Variants in RAB2A observed in about 807,000 individuals in gnomAD.
The protein encoded by RAB2A is ras-related protein Rab-2A.
RAB2A carries 7 observed loss-of-function variants against 32.5 expected under a neutral mutation model. That is an observed-to-expected ratio of 0.22 (90% CI 0.12 to 0.40). RAB2A has a LOEUF of 0.40. RAB2A is among the 10% of genes least tolerant of loss of function. The pLI, the probability that RAB2A is intolerant of heterozygous loss-of-function variation, is 1.00. For missense variants in RAB2A, 108 were observed against 260.7 expected (o/e 0.41, Z 4.03); for synonymous variants, 79 against 85.2 (o/e 0.93, Z 0.40).
chr8:60,573,032 A>G (rs1586090513), intron 3 of RAB2A, among the ~76,000 whole-genome samples: 1 of 151,770 alleles, frequency 6.6e-6, no homozygotes, highest in Non-Finnish European at 1.5e-5. Context: ...ACTGAGCCTT[A>G]CGTATGTTGT....
Position 60,517,075 on chromosome 8 carries a change from C to G in RAB2A, c.-133C>G, listed in dbSNP as rs1444481027. 1 of 898,940 alleles carries G rather than the reference C, an allele frequency of 1.1e-6. No individual in the cohort carries two copies. Among genetic ancestry groups the G allele is most frequent in the African/African-American group, 1.8e-5 (1 of 56,184 alleles). 55.7% of individuals were successfully genotyped at this position (898,940 alleles called of 1,614,324 possible). On this transcript the variant is annotated 5_prime_UTR_variant, in exon 1 of 8. Coordinates refer to ENST00000262646, the MANE Select transcript of RAB2A (RefSeq NM_002865.3). ...CTTCCTCACAGCCCCTCACTCCCGG[C>G]GGCTGACAGCAGCAGCGGCGGCGGC...
chr8:60,538,388 C>A (rs1807588994), intron 1 of RAB2A, among the ~76,000 whole-genome samples: 1 of 152,150 alleles, frequency 6.6e-6, no homozygotes, highest in Non-Finnish European at 1.5e-5. Flanking sequence ...ATAAACTACA[C>A]AGGAATTTGA....
chr8:60,597,505 A>G (rs2130857693), intron 6 of RAB2A, among the ~76,000 whole-genome samples: 1 of 152,282 alleles, frequency 6.6e-6, no homozygotes, highest in South Asian at 2.1e-4. Context: ...TGATGGATTG[A>G]TGGGTGCAGC....
intron 6 of RAB2A, 127 bp downstream of exon 6, chr8:60,592,096 C>A (rs1269456920): frequency 5.8e-6 from 3 of 520,438 alleles, no homozygotes; most frequent in Non-Finnish European, 1.0e-5. Context: ...AGGAAAGTTT[C>A]TTCCCTTTGA....
At chr8:60,616,707 C>T (rs1367654255) in intron 6 of RAB2A, among the ~76,000 whole-genome samples, 1 of 152,216 alleles carries the variant, frequency 6.6e-6, no homozygotes, top group Non-Finnish European at 1.5e-5. Flanking sequence ...TGCAAATTCT[C>T]ATGACCCTCT....
chr8:60,577,684 C>T (rs1218531113), intron 3 of RAB2A, among the ~76,000 whole-genome samples: 3 of 151,162 alleles, frequency 2.0e-5, no homozygotes, highest in South Asian at 2.1e-4. Context: ...AGTGCAGTGG[C>T]GTGATCTCGG....
At chr8:60,613,366 A>G (rs777937864) in intron 6 of RAB2A, among the ~76,000 whole-genome samples, 1 of 152,200 alleles carries the variant, frequency 6.6e-6, no homozygotes, top group Non-Finnish European at 1.5e-5. Context: ...CACGGTTTTC[A>G]GTGCTTTACA....
chr8:60,614,091 A>G (rs914152476), intron 6 of RAB2A, among the ~76,000 whole-genome samples: 1 of 151,978 alleles, frequency 6.6e-6, no homozygotes, highest in East Asian at 1.9e-4. Context: ...TTTATTTTCA[A>G]TATTTTGCCT....
intron 5 of RAB2A, among the ~76,000 whole-genome samples, chr8:60,585,645 C>T (rs575383740): frequency 4.6e-5 from 7 of 152,250 alleles, no homozygotes; most frequent in Middle Eastern, 3.4e-3. Flanking sequence ...TAATAAAATA[C>T]TCTGAAGAGA....
At chr8:60,557,747 T>C (rs1427458453) in intron 1 of RAB2A, among the ~76,000 whole-genome samples, 1 of 151,938 alleles carries the variant, frequency 6.6e-6, no homozygotes, top group Non-Finnish European at 1.5e-5. Flanking sequence ...TTTTGTCTTT[T>C]TTTGTTTTAA....
intron 1 of RAB2A, among the ~76,000 whole-genome samples, chr8:60,539,897 G>A (rs1586069246): frequency 6.6e-6 from 1 of 151,830 alleles, no homozygotes; most frequent in Admixed American, 6.6e-5. Context: ...TGATATGAAC[G>A]GTCCAGTTTA....
intron 6 of RAB2A, among the ~76,000 whole-genome samples, chr8:60,613,750 A>G (rs1804400960): frequency 6.6e-6 from 1 of 152,244 alleles, no homozygotes; most frequent in Non-Finnish European, 1.5e-5. Flanking sequence ...TCTTTTAAGA[A>G]ATAGTGAAAA....
At chr8:60,599,063 A>C (rs1268190005) in intron 6 of RAB2A, among the ~76,000 whole-genome samples, 1 of 152,100 alleles carries the variant, frequency 6.6e-6, no homozygotes, top group Non-Finnish European at 1.5e-5. Flanking sequence ...TTTGCAACAA[A>C]AAAAAGTGAG....
chr8:60,542,913 T>C (rs1050671151), intron 1 of RAB2A, among the ~76,000 whole-genome samples: 17 of 152,232 alleles, frequency 1.1e-4, no homozygotes, highest in Non-Finnish European at 1.9e-4. Context: ...GCCTGGAATA[T>C]AGTAGGCATG....
intron 5 of RAB2A, among the ~76,000 whole-genome samples, chr8:60,590,071 C>T (rs1345604011): frequency 1.1e-4 from 16 of 152,006 alleles, no homozygotes. Flanking sequence ...AAGCAATTCT[C>T]CCGCCTCAGT....
At chr8:60,553,702 C>T (rs1482023925) in intron 1 of RAB2A, among the ~76,000 whole-genome samples, 2 of 152,118 alleles carry the variant, frequency 1.3e-5, no homozygotes, top group Non-Finnish European at 2.9e-5. Flanking sequence ...CCCTGTGTTA[C>T]AGCTAATAAG....
At chr8:60,555,176 C>T (rs747394927) in intron 1 of RAB2A, among the ~76,000 whole-genome samples, 2 of 152,156 alleles carry the variant, frequency 1.3e-5, no homozygotes, top group South Asian at 4.1e-4. Context: ...ATAAATTAGA[C>T]CTCTGTCTCT....
intron 2 of RAB2A, among the ~76,000 whole-genome samples, chr8:60,567,099 T>C (rs560890198): frequency 6.6e-6 from 1 of 152,016 alleles, no homozygotes. Context: ...AAAATATGTT[T>C]TGTTCATCTT....
Position 60,621,044 on chromosome 8 carries a change from C to G in RAB2A, c.*275C>G. ...GTTGTCTTGTGCCCTTAACTACGAACTGAATTGTATTAAACACTACAAAGT... is the reference window on the plus strand; with the variant it reads ...GTTGTCTTGTGCCCTTAACTACGAAGTGAATTGTATTAAACACTACAAAGT... On this transcript the variant is annotated 3_prime_UTR_variant, in exon 8 of 8. Transcript: ENST00000262646. 2.9e-6 allele frequency: 1 copy of G among 342,652 alleles called. No individual in the cohort carries two copies. The highest frequency in any genetic ancestry group is 6.0e-5 in the East Asian group (1 of 16,608). 21.2% of individuals were successfully genotyped at this position (342,652 alleles called of 1,614,324 possible).
Sources: allele counts gnomAD v4.1 joint callset (sites outside exome capture counted in the v4.1 genomes callset), GRCh38; gene constraint gnomAD v4.1.1; transcripts MANE v1.5; gene names NCBI Gene and HGNC (gene_info 2026-07-23, HGNC 2026-07-21).